The following GPC3 variants were observed in gnomAD, a reference collection of about 807,000 sequenced individuals.
GPC3 encodes glypican 3.
GPC3 carries 3 observed loss-of-function variants against 34.4 expected under a neutral mutation model. The observed-to-expected ratio is 0.09, with a 90% CI of 0.04 to 0.23. GPC3 has a LOEUF of 0.23. Among genes scored for constraint, GPC3 ranks in the 10% least tolerant of loss-of-function variants. GPC3 has a pLI of 1.00. For synonymous variants in GPC3, 177 were observed against 174.0 expected (o/e 1.02, Z -0.13); for missense variants, 351 against 445.6 (o/e 0.79, Z 1.91).
chrX:133,809,483 T>C (rs1350369524), intron 2 of GPC3, among the ~76,000 whole-genome samples: 2 of 111,163 alleles, frequency 1.8e-5, no homozygotes, highest in African/African-American at 6.6e-5. Context: ...AGCCTCCTAG[T>C]TGATCCTTGT....
At chrX:133,825,153 C>A (rs370922301) in intron 2 of GPC3, among the ~76,000 whole-genome samples, 2 of 112,106 alleles carry the variant, frequency 1.8e-5, no homozygotes, top group African/African-American at 6.5e-5. Context: ...CTGTGCCTGG[C>A]GAAAATTACA....
At chrX:133,968,018 G>C (rs2076471971) in intron 1 of GPC3, among the ~76,000 whole-genome samples, 1 of 112,760 alleles carries the variant, frequency 8.9e-6, no homozygotes, top group African/African-American at 3.2e-5. Flanking sequence ...CATGTCTTAG[G>C]AGTGCTGGGT....
At chrX:133,889,854 G>A (rs1440385043) in intron 2 of GPC3, among the ~76,000 whole-genome samples, 1 of 13,388 alleles carries the variant, frequency 7.5e-5, no homozygotes, top group Non-Finnish European at 1.4e-4. Flanking sequence ...TTTTTTTTTT[G>A]AGACAGAGTC....
intron 3 of GPC3, among the ~76,000 whole-genome samples, chrX:133,739,560 G>A (rs915486651): frequency 9.0e-6 from 1 of 111,286 alleles, no homozygotes. Context: ...GAAATTCACA[G>A]TCTGGCCAGA....
intron 2 of GPC3, among the ~76,000 whole-genome samples, chrX:133,833,928 T>C (rs2075788225): frequency 9.0e-6 from 1 of 111,645 alleles, no homozygotes; most frequent in Admixed American, 9.5e-5. Context: ...TTTGTGTCTC[T>C]ATGTCTCACT....
rs151093875 is a variant in GPC3 at position 133,718,129 on chromosome X, C to T, written c.1033-18101G>A. On this transcript the variant is annotated intron_variant, in intron 3 of 7. Transcript: ENST00000370818. ...AAAGAAGAAACATCCACAAAGTTTACTATATAGGTTAATATGGAAAACAGT... is the reference window on the plus strand; with the variant it reads ...AAAGAAGAAACATCCACAAAGTTTATTATATAGGTTAATATGGAAAACAGT... Among the ~76,000 whole-genome samples the T allele has an allele frequency of 7.5e-3, 833 of 111,807 alleles. 5 individuals are homozygous for T. Among genetic ancestry groups the T allele is most frequent in the African/African-American group, 0.025 (784 of 30,761 alleles).
chrX:133,842,410 T>C (rs2075829825), intron 2 of GPC3, among the ~76,000 whole-genome samples: 2 of 106,851 alleles, frequency 1.9e-5, no homozygotes, highest in East Asian at 2.8e-4. Context: ...ACATTATATA[T>C]AATACATTAT....
At chrX:133,683,539 T>A (rs1022265397) in intron 5 of GPC3, among the ~76,000 whole-genome samples, 2 of 112,129 alleles carry the variant, frequency 1.8e-5, no homozygotes, top group Non-Finnish European at 3.8e-5. Context: ...ATGATCCAAC[T>A]GAGCTCAACA....
intron 3 of GPC3, among the ~76,000 whole-genome samples, chrX:133,723,823 C>T (rs2071388835): frequency 1.8e-5 from 2 of 111,868 alleles, no homozygotes; most frequent in African/African-American, 6.5e-5. Flanking sequence ...AATTAAACCT[C>T]TTTTCTTTAT....
At chrX:133,714,415 T>G (rs771925085) in intron 3 of GPC3, among the ~76,000 whole-genome samples, 1 of 111,341 alleles carries the variant, frequency 9.0e-6, no homozygotes, top group South Asian at 3.8e-4. Context: ...AGTAAATACT[T>G]TTAATATTCC....
intron 2 of GPC3, among the ~76,000 whole-genome samples, chrX:133,922,830 A>G: frequency 9.0e-6 from 1 of 111,182 alleles, no homozygotes; most frequent in Non-Finnish European, 1.9e-5. Flanking sequence ...GCTGGTAAGG[A>G]TGACAGGGGT....
intron 7 of GPC3, among the ~76,000 whole-genome samples, chrX:133,593,254 G>A (rs1189057821): frequency 2.9e-5 from 3 of 103,131 alleles, no homozygotes; most frequent in Non-Finnish European, 3.9e-5. Flanking sequence ...ACTTGAACCC[G>A]GGAGACAGAG....
intron 2 of GPC3, among the ~76,000 whole-genome samples, chrX:133,823,655 G>C (rs1252253449): frequency 9.0e-6 from 1 of 111,232 alleles, no homozygotes; most frequent in Non-Finnish European, 1.9e-5. Flanking sequence ...TTACATAATA[G>C]AAGATTTCTG....
chrX:133,734,410 T>C (rs2071489679), intron 3 of GPC3, among the ~76,000 whole-genome samples: 1 of 111,038 alleles, frequency 9.0e-6, no homozygotes, highest in African/African-American at 3.3e-5. Flanking sequence ...AAAGAGTATT[T>C]ATAAAAAAGT....
chrX:133,739,651 G>T (rs1173470233), intron 3 of GPC3, among the ~76,000 whole-genome samples: 1 of 109,331 alleles, frequency 9.1e-6, no homozygotes, highest in Non-Finnish European at 1.9e-5. Flanking sequence ...TTTGAGACCA[G>T]CCTGGGCAAC....
intron 3 of GPC3, among the ~76,000 whole-genome samples, chrX:133,731,661 C>T (rs762987021): frequency 3.3e-4 from 37 of 111,860 alleles, no homozygotes; most frequent in Non-Finnish European, 5.8e-4. Flanking sequence ...TCACAAAAGG[C>T]AGCCATATCT....
chrX:133,829,628 G>A (rs1182072910), intron 2 of GPC3, among the ~76,000 whole-genome samples: 2 of 110,845 alleles, frequency 1.8e-5, no homozygotes, highest in Non-Finnish European at 3.8e-5. Context: ...TTCTAACCAT[G>A]GTAGAATGAA....
intron 2 of GPC3, among the ~76,000 whole-genome samples, chrX:133,786,320 G>C (rs1178591688): frequency 8.9e-6 from 1 of 112,152 alleles, no homozygotes; most frequent in Non-Finnish European, 1.9e-5. Context: ...GCTTGAATCT[G>C]GGAGGCGGAG....
chrX:133,646,287 AAG>A (rs1306758274), intron 6 of GPC3, among the ~76,000 whole-genome samples: 1 of 111,333 alleles, frequency 9.0e-6, no homozygotes, highest in Non-Finnish European at 1.9e-5. Flanking sequence ...GGCTACATAG[AAG>A]AGAGTTCAGG....
Sources: allele counts gnomAD v4.1 joint callset (sites outside exome capture counted in the v4.1 genomes callset), GRCh38; gene constraint gnomAD v4.1.1; transcripts MANE v1.5; gene names NCBI Gene and HGNC (gene_info 2026-07-23, HGNC 2026-07-21).